Variants in HERC2 observed in about 807,000 individuals in gnomAD.
The protein encoded by HERC2 is E3 ubiquitin-protein ligase HERC2.
A neutral mutation model predicts 537.7 loss-of-function variants in HERC2; 102 were observed. The ratio of observed to expected loss-of-function variants is 0.19; its 90% CI spans 0.16 to 0.22. The LOEUF (loss-of-function observed/expected upper bound fraction) is 0.22. HERC2 is among the 10% of genes least tolerant of loss of function. The probability of loss-of-function intolerance (pLI) is 1.00; values close to 1 mark genes in which losing one functional copy is unlikely to be tolerated. For synonymous variants in HERC2, 2,224 were observed against 2,466.2 expected, an observed-to-expected ratio of 0.90 and a Z score of 2.91; for missense variants, 4,236 against 6,198.2, an observed-to-expected ratio of 0.68 and a Z score of 10.63.
chr15:28,158,448 A>G (rs964471558), intron 69 of HERC2, among the ~76,000 whole-genome samples: 1 of 152,200 alleles, frequency 6.6e-6, no homozygotes, highest in Admixed American at 6.5e-5. Flanking sequence ...TATTTAGGAT[A>G]GTTAGTTCTT....
At chr15:28,276,121 G>T (rs552341750) in intron 5 of HERC2, among the ~76,000 whole-genome samples, 91 of 135,430 alleles carry the variant, frequency 6.7e-4, no homozygotes, top group African/African-American at 2.5e-3. Flanking sequence ...GGGAGACAAA[G>T]GTTGCAGTGA....
In HERC2 at chr15:28,198,787, T is replaced by G. The variant is rs746911051; in HGVS notation, c.7717-18A>C. On this transcript the variant is annotated intron_variant, in intron 48 of 92. Coordinates refer to ENST00000261609, the MANE Select transcript of HERC2 (RefSeq NM_004667.6). ...ATTCCCACCTAGAATTAAAATGAAA[T>G]TGGAGATCCAGTCCATCATGTACAC... 1 of 1,599,634 alleles carries G rather than the reference T, an allele frequency of 6.3e-7. No homozygotes were observed. Among genetic ancestry groups the G allele is most frequent in the Non-Finnish European group, 8.5e-7 (1 of 1,172,234 alleles).
intron 33 of HERC2, 23 bp downstream of exon 33, chr15:28,229,436 GA>G (rs1199426011): frequency 1.2e-6 from 2 of 1,613,406 alleles, no homozygotes; most frequent in African/African-American, 2.7e-5. Flanking sequence ...CCTTAATTAA[GA>G]AAAAAATATG....
intron 14 of HERC2, among the ~76,000 whole-genome samples, chr15:28,263,472 C>A (rs933930488): frequency 1.7e-4 from 26 of 152,150 alleles, no homozygotes; most frequent in Non-Finnish European, 2.9e-5. Flanking sequence ...CCCACTGCCT[C>A]CATAACACAC....
chr15:28,256,945 A>T, intron 17 of HERC2, 116 bp downstream of exon 17: 1 of 883,656 alleles, frequency 1.1e-6, no homozygotes, highest in Non-Finnish European at 1.8e-6. Flanking sequence ...TTACAATCTT[A>T]CTTTAAAATA....
chr15:28,169,939 A>C (rs1894525895), intron 65 of HERC2, among the ~76,000 whole-genome samples: 1 of 152,260 alleles, frequency 6.6e-6, no homozygotes, highest in South Asian at 2.1e-4. Flanking sequence ...CATATAAACT[A>C]TGAAAATGCT....
chr15:28,239,869 T>G (rs1440477308), intron 23 of HERC2, among the ~76,000 whole-genome samples: 1 of 152,138 alleles, frequency 6.6e-6, no homozygotes, highest in Admixed American at 6.5e-5. Flanking sequence ...TGGAGCCATG[T>G]TGTTGGGAGA....
chr15:28,263,809 A>G (rs929586181), intron 14 of HERC2, among the ~76,000 whole-genome samples: 1 of 152,122 alleles, frequency 6.6e-6, no homozygotes, highest in Non-Finnish European at 1.5e-5. Flanking sequence ...AGGCGGGCGG[A>G]TCACTTGAGC....
In HERC2 at chr15:28,272,848, T is replaced by A; in HGVS notation, c.911+46A>T. 3 of 1,296,244 alleles carry A rather than the reference T, an allele frequency of 2.3e-6. No individual in the cohort carries two copies. The Admixed American group carries it at 5.2e-5, about 23-fold the overall frequency. The allele number at this position is 1,296,244 out of a possible 1,614,324, so 80.3% of individuals were successfully genotyped here. A position where few individuals can be genotyped will look rare whatever the true frequency, so the allele number is the denominator to read the frequency against. On this transcript the variant is annotated intron_variant, in intron 8 of 92. Transcript: ENST00000261609. ...ACACACAATGCAACAGGTATTTCCA[T>A]ACACAGGCGCTTCCCCAAAGCGTTC...
chr15:28,158,551 A>G (rs1480546806), intron 69 of HERC2, among the ~76,000 whole-genome samples: 2 of 152,088 alleles, frequency 1.3e-5, no homozygotes, highest in Non-Finnish European at 2.9e-5. Context: ...AGAGACTAGG[A>G]TTGCAACTCC....
intron 45 of HERC2, among the ~76,000 whole-genome samples, chr15:28,205,448 C>T (rs1307514045): frequency 7.9e-6 from 1 of 127,326 alleles, no homozygotes; most frequent in African/African-American, 3.4e-5. Context: ...TGCCCACACC[C>T]GTTTCTTGCT....
intron 70 of HERC2, 112 bp downstream of exon 70, chr15:28,152,565 G>A (rs1307853328): frequency 3.7e-5 from 37 of 994,994 alleles, no homozygotes; most frequent in Admixed American, 9.2e-5. Flanking sequence ...AAGCAATTCT[G>A]TAACTTCTTT....
In HERC2 at chr15:28,268,630, A is replaced by C. The variant is rs766334699; in HGVS notation, c.1447-14T>G. 1.2e-6 allele frequency: 2 copies of C among 1,609,934 alleles called. No homozygotes were observed. Among genetic ancestry groups the C allele is most frequent in the Non-Finnish European group, 8.5e-7 (1 of 1,177,808 alleles). On this transcript the variant is annotated splice_polypyrimidine_tract_variant and intron_variant, in intron 11 of 92. Transcript: ENST00000261609. This position sits in a 1 kb window ranked among gnomAD's most constrained non-coding sequence, Gnocchi z 4.7. Reference sequence around the variant, plus strand: ...CAGCTGTGGGGCCTAAAGAAGGAAAAATACGAAGAAAAGTAGTCATCAGTC... The same window carrying C: ...CAGCTGTGGGGCCTAAAGAAGGAAACATACGAAGAAAAGTAGTCATCAGTC...
intron 55 of HERC2, among the ~76,000 whole-genome samples, chr15:28,187,738 TATGTC>T (rs975359143): frequency 6.6e-6 from 1 of 152,348 alleles, no homozygotes; most frequent in South Asian, 2.1e-4. Flanking sequence ...CTTTTCTGAT[TATGTC>T]ATGTCATTTT....
intron 45 of HERC2, chr15:28,203,354 C>T (rs962376162): frequency 1.3e-5 from 2 of 149,126 alleles, no homozygotes; most frequent in Non-Finnish European, 3.0e-5. Context: ...GTGGAGCCCC[C>T]CGGTGCTCAG....
rs139813405 is a variant in HERC2 at position 28,257,115 on chromosome 15, C to A, written c.2463G>T (p.Pro821=). 1 of 1,613,588 alleles carries A rather than the reference C, an allele frequency of 6.2e-7. No individual in the cohort carries two copies. The highest frequency in any genetic ancestry group is 2.2e-5 in the East Asian group (1 of 44,878). The change falls in exon 17 of 93, where the codon CCG becomes CCT. Residue 821 remains proline, a synonymous_variant. Transcript: ENST00000261609. ...EGMDGSADWP[P]PQEKECVAVA... ...CGGCCACACACTCTTTCTCCTGGGG[C>A]GGGGGCCAGTCCGCGGAACCATCCA...
intron 70 of HERC2, among the ~76,000 whole-genome samples, chr15:28,147,034 G>A (rs1164519274): frequency 7.1e-6 from 1 of 140,262 alleles, no homozygotes; most frequent in African/African-American, 2.7e-5. Context: ...TGGGGGGGCC[G>A]CAGGAGGTGG....
intron 47 of HERC2, 25 bp from the exon 48 acceptor site, chr15:28,201,579 C>CA (rs1367455245): frequency 5.6e-6 from 8 of 1,433,236 alleles, no homozygotes; most frequent in East Asian, 2.3e-5. Context: ...TACATTCAAA[C>CA]AAAAAAACAG....
chr15:28,315,214 G>A (rs1183509206), intron 2 of HERC2, among the ~76,000 whole-genome samples: 1 of 152,238 alleles, frequency 6.6e-6, no homozygotes, highest in Non-Finnish European at 1.5e-5. Context: ...AAAACACTGA[G>A]TTCCCTCATC....
Sources: gnomAD v4.1 joint callset for allele counts (sites outside exome capture counted in the v4.1 genomes callset) on GRCh38, gnomAD v4.1.1 for gene constraint, Gnocchi (gnomAD v3.1) non-coding constraint, MANE v1.5 for transcripts, NCBI Gene and HGNC (gene_info 2026-07-23, HGNC 2026-07-21) for gene names.